STX2: variants seen among roughly 807,000 people sequenced by gnomAD.
The protein encoded by STX2 is syntaxin-2.
Under a neutral mutation model 40.6 loss-of-function variants are expected in STX2, and 27 were observed. That is an observed-to-expected ratio of 0.66 (90% confidence interval 0.49 to 0.92). The LOEUF is 0.92. STX2 is among the 40% of genes least tolerant of loss of function. The pLI, the probability that STX2 is intolerant of heterozygous loss-of-function variation, is 0.00. For missense variants in STX2, 328 were observed against 366.1 expected, an observed-to-expected ratio of 0.90 and a Z score of 0.85; for synonymous variants, 123 against 119.1, an observed-to-expected ratio of 1.03 and a Z score of -0.22.
chr12:130,825,891 A>G (rs1952283518), intron 2 of STX2, among the ~76,000 whole-genome samples: 1 of 152,220 alleles, frequency 6.6e-6, no homozygotes, highest in Non-Finnish European at 1.5e-5. Flanking sequence ...ATGTTTTACA[A>G]GGTCAATATA....
At chr12:130,814,264 A>T (rs1018100713) in intron 3 of STX2, among the ~76,000 whole-genome samples, 5 of 152,022 alleles carry the variant, frequency 3.3e-5, no homozygotes, top group Admixed American at 2.0e-4. Flanking sequence ...AACTCGGTAA[A>T]AACAGACAAG....
At chr12:130,816,390 G>A (rs999773152) in intron 3 of STX2, among the ~76,000 whole-genome samples, 1 of 151,134 alleles carries the variant, frequency 6.6e-6, no homozygotes, top group African/African-American at 2.5e-5. Flanking sequence ...TCATGACGGA[G>A]TGAACTTGCT....
intron 1 of STX2, among the ~76,000 whole-genome samples, chr12:130,833,683 T>A (rs1300169298): frequency 6.6e-6 from 1 of 152,118 alleles, no homozygotes; most frequent in Non-Finnish European, 1.5e-5. Context: ...AGTAGTGGGA[T>A]TACAGGCGTG....
At chr12:130,813,082 T>A in intron 3 of STX2, 51 bp from the exon 4 acceptor site, 1 of 1,109,782 alleles carries the variant, frequency 9.0e-7, no homozygotes, top group East Asian at 2.9e-5. Context: ...AGCTATAATA[T>A]CCAACATAAA....
At position 130,791,949 on chromosome 12, in the gene STX2, A is replaced by G. The variant is rs1470901196; in HGVS notation, c.*74T>C. The G allele has an allele frequency of 6.2e-7, 1 of 1,610,066 alleles. No homozygotes were observed. Among genetic ancestry groups the G allele is most frequent in the South Asian group, 1.1e-5 (1 of 90,404 alleles). ...AATTCCAAGGATCACAAGCAAAACA[A>G]TTACACAAATAATAATGAACATCAA... On this transcript the variant is annotated 3_prime_UTR_variant, in exon 11 of 11. Transcript: ENST00000392373.
At position 130,803,686 on chromosome 12, in the gene STX2, AAAAC is replaced by A. The variant is rs76172682; in HGVS notation, c.464-2202_464-2199del. On this transcript the variant is annotated intron_variant, in intron 6 of 10. Transcript: ENST00000392373. ...TCTCTCAAAAAAAAAAAAAAAAAAAAAAACAAACTAAAAGTTACAGTTCATGTCT... is the reference window on the plus strand; with the variant it reads ...TCTCTCAAAAAAAAAAAAAAAAAAAAAAACTAAAAGTTACAGTTCATGTCT... 2.7e-3 allele frequency among the ~76,000 whole-genome samples: 352 copies of A among 128,588 alleles called. 14 individuals are homozygous for A. Among genetic ancestry groups the A allele is most frequent in the African/African-American group, 7.6e-3 (253 of 33,144 alleles). The allele number at this position is 128,588 out of a possible 152,430, so 84.4% of individuals were successfully genotyped here.
In STX2 at chr12:130,839,104, G is replaced by A. The variant is rs1343079556; in HGVS notation, c.-5C>T. On this transcript the variant is annotated 5_prime_UTR_variant, in exon 1 of 11. Coordinates refer to ENST00000392373, the MANE Select transcript of STX2 (RefSeq NM_194356.4). ...GTCTGGCAGCCGGTCCCGCATCCCC[G>A]CCGGCCGGGCAGCGCGCCCCGCCGC... The A allele has an allele frequency of 7.8e-7, 1 of 1,275,774 alleles. No homozygotes were observed. The highest frequency in any genetic ancestry group is 9.9e-7 in the Non-Finnish European group (1 of 1,010,230). The allele number at this position is 1,275,774 out of a possible 1,614,324, so 79.0% of individuals were successfully genotyped here. A position where few individuals can be genotyped will look rare whatever the true frequency, so the allele number is the denominator to read the frequency against.
intron 6 of STX2, among the ~76,000 whole-genome samples, chr12:130,802,309 T>C (rs546304813): frequency 6.6e-6 from 1 of 152,296 alleles, no homozygotes; most frequent in East Asian, 1.9e-4. Flanking sequence ...GCAATTCTCA[T>C]GCCTCTGACC....
rs1385821933 is a variant in STX2, at chr12:130,831,783, A to G, written c.31-4516T>C. On this transcript the variant is annotated intron_variant, in intron 1 of 10. Coordinates refer to ENST00000392373, the MANE Select transcript of STX2 (RefSeq NM_194356.4). Reference sequence around the variant, plus strand: ...TACTTTTTTATTTTTTTGTATTTTTACTAACACTTGTTTCCATTATTATTA... The same window carrying G: ...TACTTTTTTATTTTTTTGTATTTTTGCTAACACTTGTTTCCATTATTATTA... Among the ~76,000 whole-genome samples, 5 of 152,000 alleles carry G rather than the reference A, an allele frequency of 3.3e-5. No homozygotes were observed. In the East Asian group the frequency reaches 9.6e-4, roughly 29 times the overall value.
At chr12:130,817,990 G>C (rs186089474) in intron 3 of STX2, among the ~76,000 whole-genome samples, 77 of 151,422 alleles carry the variant, frequency 5.1e-4, no homozygotes, top group African/African-American at 1.6e-3. Context: ...AGGGGTCCCG[G>C]AGCCAAGACT....
chr12:130,814,981 C>A (rs951197225), intron 3 of STX2, among the ~76,000 whole-genome samples: 13 of 152,268 alleles, frequency 8.5e-5, no homozygotes, highest in Admixed American at 7.8e-4. Context: ...CACCTGTAGT[C>A]CCAGCTACTT....
chr12:130,830,690 A>G (rs1278540926), intron 1 of STX2, among the ~76,000 whole-genome samples: 1 of 152,232 alleles, frequency 6.6e-6, no homozygotes, highest in East Asian at 1.9e-4. Flanking sequence ...TCAAAAAAAC[A>G]AAACAAAACA....
intron 3 of STX2, among the ~76,000 whole-genome samples, chr12:130,819,466 T>C (rs945114093): frequency 6.6e-6 from 1 of 152,214 alleles, no homozygotes; most frequent in East Asian, 1.9e-4. Flanking sequence ...GGCTGCTGCC[T>C]ACATTTTGGT....
chr12:130,818,183 AAAATATATATATATATATAT>A (rs1161690823), intron 3 of STX2, among the ~76,000 whole-genome samples: 21 of 20,336 alleles, frequency 1.0e-3, no homozygotes, highest in African/African-American at 3.2e-3. Flanking sequence ...AAAAAAAAAA[AAAATATATATATATATATAT>A]ATATATATAT....
chr12:130,821,827 A>C, intron 2 of STX2, 39 bp from the exon 3 acceptor site: 1 of 1,349,448 alleles, frequency 7.4e-7, no homozygotes, highest in Non-Finnish European at 1.1e-6. Flanking sequence ...TGGCAAACTC[A>C]AATCTGTGAC....
chr12:130,839,169 T>C lies in STX2; in HGVS notation c.-70A>G. ...AGCTGCCTCCGGCCGGGCCTCGGGC[T>C]CTCCGGTCTCCGCCTCAGGCCCCGC... On this transcript the variant is annotated 5_prime_UTR_variant, in exon 1 of 11. Transcript: ENST00000392373. The C allele has an allele frequency of 1.8e-6, 2 of 1,129,842 alleles. No individual in the cohort carries two copies. Among genetic ancestry groups the C allele is most frequent in the Non-Finnish European group, 2.2e-6 (2 of 921,058 alleles). 70.0% of individuals were successfully genotyped at this position (1,129,842 alleles called of 1,614,324 possible).
Position 130,808,729 on chromosome 12 carries a change from C to T in STX2, c.281-25G>A, listed in dbSNP as rs771311407. 1.8e-5 allele frequency: 28 copies of T among 1,571,390 alleles called. No homozygotes were observed. In the African/African-American group the frequency reaches 3.0e-4, roughly 17 times the overall value. ...GCTAGGAACAAATAGGAAATAATTA[C>T]CTTCCAAATTTAAAAATGAAAATGT... is the stretch of plus-strand genomic sequence containing the variant. On this transcript the variant is annotated intron_variant, in intron 4 of 10. Transcript: ENST00000392373.
intron 6 of STX2, among the ~76,000 whole-genome samples, chr12:130,806,541 C>T (rs562908110): frequency 4.6e-5 from 7 of 152,140 alleles, no homozygotes; most frequent in South Asian, 2.1e-4. Flanking sequence ...CGTCTGTCCC[C>T]GAAGAAGGCG....
At chr12:130,837,183 G>A (rs968747496) in intron 1 of STX2, among the ~76,000 whole-genome samples, 19 of 151,388 alleles carry the variant, frequency 1.3e-4, no homozygotes, top group Admixed American at 1.3e-3. Flanking sequence ...CACAATCATG[G>A]CTCACTGCAG....
Sources: gnomAD v4.1 joint callset for allele counts (sites outside exome capture counted in the v4.1 genomes callset) on GRCh38, gnomAD v4.1.1 for gene constraint, MANE v1.5 for transcripts, NCBI Gene and HGNC (gene_info 2026-07-23, HGNC 2026-07-21) for gene names.